TTC9: variants seen among roughly 807,000 people sequenced by gnomAD.
TTC9 encodes tetratricopeptide repeat protein 9A.
Under a neutral mutation model 22.9 loss-of-function variants are expected in TTC9, and 13 were observed. That is an observed-to-expected ratio of 0.57 (90% CI 0.37 to 0.90). The LOEUF is 0.90. Ranked by LOEUF, TTC9 falls within the 40% of genes least tolerant of loss-of-function variation. TTC9 has a pLI of 0.01. For missense variants in TTC9, 280 were observed against 291.8 expected, an observed-to-expected ratio of 0.96 and a Z score of 0.29; for synonymous variants, 148 against 133.2, an observed-to-expected ratio of 1.11 and a Z score of -0.77.
At chr14:70,665,713 G>A (rs1454446032) in intron 1 of TTC9, among the ~76,000 whole-genome samples, 1 of 152,096 alleles carries the variant, frequency 6.6e-6, no homozygotes, top group Non-Finnish European at 1.5e-5. Flanking sequence ...TGAAAGAATG[G>A]AGTTTTTTGG....
At position 70,671,339 on chromosome 14, in the gene TTC9, A is replaced by G. The variant is rs1227104698; in HGVS notation, c.*184A>G. 3.8e-6 allele frequency: 2 copies of G among 532,956 alleles called. No individual in the cohort carries two copies. Among genetic ancestry groups the G allele is most frequent in the Non-Finnish European group, 6.7e-6 (2 of 297,170 alleles). The allele number at this position is 532,956 out of a possible 1,614,324, so 33.0% of individuals were successfully genotyped here. A position where few individuals can be genotyped will look rare whatever the true frequency, so the allele number is the denominator to read the frequency against. ...CGAAAAGGAGAGATGCAAATTTGGA[A>G]TCTGGTAGGTCGCCCAGACAATGGA... On this transcript the variant is annotated 3_prime_UTR_variant, in exon 3 of 3. Coordinates refer to ENST00000256367, the MANE Select transcript of TTC9 (RefSeq NM_015351.2).
At chr14:70,656,843 G>GAT (rs1566698622) in intron 1 of TTC9, among the ~76,000 whole-genome samples, 20 of 152,196 alleles carry the variant, frequency 1.3e-4, no homozygotes, top group South Asian at 2.1e-4. Context: ...GACTGAGGAA[G>GAT]GGGTGTTAAT....
chr14:70,643,162 G>GC (rs913791123), intron 1 of TTC9, among the ~76,000 whole-genome samples: 2 of 152,078 alleles, frequency 1.3e-5, no homozygotes, highest in African/African-American at 4.8e-5. Context: ...CTCAAAAGAA[G>GC]CTTGGTTCAT....
intron 1 of TTC9, among the ~76,000 whole-genome samples, chr14:70,657,144 T>A (rs936989360): frequency 6.6e-6 from 1 of 152,258 alleles, no homozygotes; most frequent in African/African-American, 2.4e-5. Context: ...CCTGCCACTT[T>A]GACAGCTATT....
chr14:70,656,350 A>G (rs1373705448), intron 1 of TTC9, among the ~76,000 whole-genome samples: 2 of 152,136 alleles, frequency 1.3e-5, no homozygotes, highest in African/African-American at 2.4e-5. Flanking sequence ...GTTCCACAGC[A>G]TGATTGTAAT....
At chr14:70,658,383 C>T (rs796834651) in intron 1 of TTC9, among the ~76,000 whole-genome samples, 8 of 152,238 alleles carry the variant, frequency 5.3e-5, no homozygotes, top group African/African-American at 1.9e-4. Context: ...GCAAGGGAGA[C>T]GCATTTCATA....
chr14:70,650,942 G>A (rs1885975721), intron 1 of TTC9, among the ~76,000 whole-genome samples: 1 of 152,022 alleles, frequency 6.6e-6, no homozygotes, highest in Non-Finnish European at 1.5e-5. Flanking sequence ...TTTGAAAAAA[G>A]AGGCTAGGCA....
intron 2 of TTC9, among the ~76,000 whole-genome samples, chr14:70,670,054 C>T (rs1173594218): frequency 6.6e-6 from 1 of 152,214 alleles, no homozygotes; most frequent in Non-Finnish European, 1.5e-5. Context: ...TCATTTTAAA[C>T]TCTTCAAGCT....
At chr14:70,649,232 G>C (rs1338300556) in intron 1 of TTC9, among the ~76,000 whole-genome samples, 1 of 152,192 alleles carries the variant, frequency 6.6e-6, no homozygotes, top group Non-Finnish European at 1.5e-5. Context: ...GGATTACCAT[G>C]ATGAGGCCAG....
rs1886234470 is a variant in TTC9, at chr14:70,667,698, G to C, written c.541G>C (p.Asp181His). Residue 181 changes from aspartate (D) to histidine (H), a missense_variant, in exon 2 of 3, where the codon GAC becomes CAC. Coordinates refer to ENST00000256367, the MANE Select transcript of TTC9 (RefSeq NM_015351.2). ...GGCCTTCTACCACCTTGGGGACTAT[G>C]ACAAAGCACTCTACTACCTGAAAGA... is the stretch of plus-strand genomic sequence containing the variant. ...GVAFYHLGDY[D>H]KALYYLKEAR... The C allele has an allele frequency of 6.2e-7, 1 of 1,613,034 alleles. No homozygotes were observed. The highest frequency in any genetic ancestry group is 2.2e-5 in the East Asian group (1 of 44,846).
At chr14:70,652,886 T>G (rs1312198792) in intron 1 of TTC9, among the ~76,000 whole-genome samples, 1 of 152,124 alleles carries the variant, frequency 6.6e-6, no homozygotes, top group Admixed American at 6.6e-5. Flanking sequence ...TGAGTGCCCA[T>G]GAGGATGGAA....
At chr14:70,645,543 C>T (rs1253181128) in intron 1 of TTC9, among the ~76,000 whole-genome samples, 1 of 152,142 alleles carries the variant, frequency 6.6e-6, no homozygotes, top group Non-Finnish European at 1.5e-5. Context: ...AAAAGTTTTA[C>T]ATGTGTATTT....
chr14:70,664,763 C>T (rs939685094), intron 1 of TTC9, among the ~76,000 whole-genome samples: 1 of 151,952 alleles, frequency 6.6e-6, no homozygotes. Context: ...GCCTAGCACC[C>T]CAACTTCTTA....
chr14:70,671,091 G>C lies in TTC9; in HGVS notation c.605G>C (p.Arg202Pro). ...TQQPTDTNVIRYIQLTEMKLS... is the reference protein window; with the variant it reads ...TQQPTDTNVIPYIQLTEMKLS... ...CTCCTCACAGACACCAACGTGATTC[G>C]GTATATCCAGCTGACGGAGATGAAA... The change falls in exon 3 of 3, where the codon CGG becomes CCG. Residue 202 changes from arginine to proline, a missense_variant. Arg to Pro is a moderately radical substitution (Grantham distance 103). Transcript: ENST00000256367. 6.2e-7 allele frequency: 1 copy of C among 1,613,482 alleles called. No homozygotes were observed. The highest frequency in any genetic ancestry group is 8.5e-7 in the Non-Finnish European group (1 of 1,179,664).
intron 1 of TTC9, among the ~76,000 whole-genome samples, chr14:70,648,295 T>C (rs1156905949): frequency 2.0e-5 from 3 of 152,054 alleles, no homozygotes; most frequent in Non-Finnish European, 4.4e-5. Context: ...AGGAAGAAAG[T>C]GAGAATTGAA....
At position 70,666,008 on chromosome 14, in the gene TTC9, G is replaced by A. The variant is rs142831518; in HGVS notation, c.407-1556G>A. Among the ~76,000 whole-genome samples, 226 of 152,162 alleles carry A rather than the reference G, an allele frequency of 1.5e-3. 3 individuals carry two copies. The highest frequency in any genetic ancestry group is 5.2e-3 in the African/African-American group (214 of 41,492). On this transcript the variant is annotated intron_variant, in intron 1 of 2. Transcript: ENST00000256367. ...ATTTGCTTTGAAGAAGCAGACAGGT[G>A]CCTTTTTCCTGTCTCTTTTTTTGTA...
At chr14:70,654,587 CAAAAAAAAAAAAAAAAAAAAAAAA>C (rs61046584) in intron 1 of TTC9, among the ~76,000 whole-genome samples, 1 of 57,166 alleles carries the variant, frequency 1.7e-5, no homozygotes, top group Non-Finnish European at 3.1e-5. Context: ...GGCTCTGTCT[CAAAAAAAAAAAAAAAAAAAAAAAA>C]AAAAAAAAAA....
At chr14:70,655,305 A>C (rs913088485) in intron 1 of TTC9, among the ~76,000 whole-genome samples, 2 of 151,534 alleles carry the variant, frequency 1.3e-5, no homozygotes, top group African/African-American at 4.9e-5. Context: ...GAGGCAGGAG[A>C]CTCGCCTGAA....
intron 2 of TTC9, among the ~76,000 whole-genome samples, chr14:70,670,366 C>T (rs1384471994): frequency 1.3e-5 from 2 of 152,150 alleles, no homozygotes; most frequent in African/African-American, 2.4e-5. Flanking sequence ...AAAAATGGAG[C>T]TTGTTGGCTG....
Sources: gnomAD v4.1 joint callset for allele counts (sites outside exome capture counted in the v4.1 genomes callset) on GRCh38, gnomAD v4.1.1 for gene constraint, MANE v1.5 for transcripts, NCBI Gene and HGNC (gene_info 2026-07-23, HGNC 2026-07-21) for gene names.